NAT9: variants seen among roughly 807,000 people sequenced by gnomAD.
The protein encoded by NAT9 is N-acetyltransferase 9, also known as alpha/beta-tubulin-N-acetyltransferase 9.
A neutral mutation model predicts 24.0 loss-of-function variants in NAT9; 18 were observed. That is an observed-to-expected ratio of 0.75 (90% CI 0.52 to 1.11). The LOEUF (loss-of-function observed/expected upper bound fraction) is 1.11. Ranked by LOEUF, NAT9 falls within the 50% of genes most tolerant of loss-of-function variation. The pLI, the probability that NAT9 is intolerant of heterozygous loss-of-function variation, is 0.00. For synonymous variants in NAT9, 104 were observed against 102.3 expected (o/e 1.02, Z -0.10); for missense variants, 254 against 258.6 (o/e 0.98, Z 0.12).
rs1382151310 is a variant in NAT9 at position 74,771,588 on chromosome 17, G to A, written c.*136C>T. On this transcript the variant is annotated 3_prime_UTR_variant, in exon 7 of 7. Coordinates refer to ENST00000357814, the MANE Select transcript of NAT9 (RefSeq NM_015654.5). ...CTGGAGGGAGGCCACAGCAAGCCCC[G>A]CCAGAGTCTGAAGGGCCTCGAAAGG... 14 of 1,365,358 alleles carry A rather than the reference G, an allele frequency of 1.0e-5. No homozygotes were observed. Among genetic ancestry groups the A allele is most frequent in the African/African-American group, 1.4e-5 (1 of 69,344 alleles). The allele number at this position is 1,365,358 out of a possible 1,614,324, so 84.6% of individuals were successfully genotyped here.
intron 4 of NAT9, 24 bp from the exon 5 acceptor site, chr17:74,772,301 G>A (rs375245715): frequency 3.7e-5 from 60 of 1,612,616 alleles, no homozygotes; most frequent in Admixed American, 1.0e-4. Context: ...CAGGAGCGGC[G>A]CTGACGCCGT....
Position 74,771,440 on chromosome 17 carries a change from T to A in NAT9, c.*284A>T. 2.0e-6 allele frequency: 1 copy of A among 505,212 alleles called. No individual in the cohort carries two copies. The highest frequency in any genetic ancestry group is 3.4e-5 in the East Asian group (1 of 29,170). 31.3% of individuals were successfully genotyped at this position (505,212 alleles called of 1,614,324 possible). On this transcript the variant is annotated 3_prime_UTR_variant, in exon 7 of 7. Transcript: ENST00000357814. The stretch of plus-strand genomic sequence containing the variant: ...CCTGCACCTCCAGCTCCCACCTTCA[T>A]CCCGACATCTCCCATGGATCCCTGC...
chr17:74,775,728 C>CT, intron 1 of NAT9, 21 bp from the exon 2 acceptor site: 1 of 1,608,834 alleles, frequency 6.2e-7, no homozygotes, highest in Non-Finnish European at 8.5e-7. Flanking sequence ...ATGGGGAGAG[C>CT]AAAGACTTCA....
Position 74,771,262 on chromosome 17 carries a change from A to C in NAT9, c.*462T>G. ...AGGACCAAGCTGCCCTTGAGTGGAC[A>C]CTGTGAGGCTGGGGCTCGTGGTAGC... On this transcript the variant is annotated 3_prime_UTR_variant, in exon 7 of 7. Transcript: ENST00000357814. 5.3e-6 allele frequency: 1 copy of C among 188,664 alleles called. No homozygotes were observed. The highest frequency in any genetic ancestry group is 2.3e-5 in the African/African-American group (1 of 43,266). The allele number at this position is 188,664 out of a possible 1,614,324, so 11.7% of individuals were successfully genotyped here.
At chr17:74,775,771 G>A in intron 1 of NAT9, 64 bp from the exon 2 acceptor site, 2 of 1,397,322 alleles carry the variant, frequency 1.4e-6, no homozygotes, top group Non-Finnish European at 2.0e-6. Flanking sequence ...TTGGGTAGGC[G>A]CTCCAGCTTT....
rs1327419712 is a variant in NAT9, at chr17:74,771,657, C to G, written c.*67G>C. On this transcript the variant is annotated 3_prime_UTR_variant, in exon 7 of 7. Transcript: ENST00000357814. The stretch of plus-strand genomic sequence containing the variant: ...AGGAGCACTCTCCCAGTGCAGGGCT[C>G]TGGTCTTTGAAGTGTATGGGCCCAA... The G allele has an allele frequency of 6.3e-7, 1 of 1,597,828 alleles. No homozygotes were observed. Among genetic ancestry groups the G allele is most frequent in the Middle Eastern group, 1.7e-4 (1 of 5,914 alleles).
chr17:74,772,372 G>T (rs752370122), intron 4 of NAT9, 95 bp from the exon 5 acceptor site: 1 of 1,519,380 alleles, frequency 6.6e-7, no homozygotes. Context: ...CAACAACTCT[G>T]AAGTTGCTAC....
intron 3 of NAT9, 36 bp from the exon 4 acceptor site, chr17:74,773,075 C>T (rs2144195331): frequency 1.9e-6 from 3 of 1,608,190 alleles, no homozygotes; most frequent in Non-Finnish European, 2.5e-6. Context: ...ACACACACTC[C>T]CCAGAGGAGA....
intron 1 of NAT9, chr17:74,776,047 G>A (rs1267944193): frequency 1.5e-5 from 3 of 206,058 alleles, no homozygotes; most frequent in Non-Finnish European, 2.0e-5. Context: ...CCAGTCCAGG[G>A]ATTCCAACCC....
chr17:74,773,560 G>C lies in NAT9; in HGVS notation c.190+16C>G, dbSNP rs779170132. Reference sequence around the variant, plus strand: ...CCCAGTACCAGGGCTAGGGGAAGTGGGGGGGCACTCCTCACTGTCTGCATC... The same window carrying C: ...CCCAGTACCAGGGCTAGGGGAAGTGCGGGGGCACTCCTCACTGTCTGCATC... On this transcript the variant is annotated intron_variant, in intron 3 of 6. Transcript: ENST00000357814. 2 of 1,602,604 alleles carry C rather than the reference G, an allele frequency of 1.2e-6. No homozygotes were observed. Among genetic ancestry groups the C allele is most frequent in the South Asian group, 2.2e-5 (2 of 90,864 alleles).
At position 74,775,723 on chromosome 17, in the gene NAT9, G is replaced by A. The variant is rs559775029; in HGVS notation, c.-9-16C>T. The A allele has an allele frequency of 1.9e-6, 3 of 1,611,370 alleles. No individual in the cohort carries two copies. Among genetic ancestry groups the A allele is most frequent in the South Asian group, 2.2e-5 (2 of 90,978 alleles). ...TGGTAGCAGCCTGCATGCAGATGGG[G>A]AGAGCAAAGACTTCAGGACCCTGAA... On this transcript the variant is annotated splice_polypyrimidine_tract_variant and intron_variant, in intron 1 of 6. Transcript: ENST00000357814.
chr17:74,771,396 C>A lies in NAT9; in HGVS notation c.*328G>T. 1 of 413,800 alleles carries A rather than the reference C, an allele frequency of 2.4e-6. No individual in the cohort carries two copies. Among genetic ancestry groups the A allele is most frequent in the Non-Finnish European group, 4.5e-6 (1 of 221,390 alleles). 25.6% of individuals were successfully genotyped at this position (413,800 alleles called of 1,614,324 possible). A position where few individuals can be genotyped will look rare whatever the true frequency, so the allele number is the denominator to read the frequency against. On this transcript the variant is annotated 3_prime_UTR_variant, in exon 7 of 7. Coordinates refer to ENST00000357814, the MANE Select transcript of NAT9 (RefSeq NM_015654.5). ...CTAAGGAGAAAGGCCTGTCCACTCC[C>A]ATCCATGTTCCAGGTCCCCCTGCAC...
In NAT9 at chr17:74,772,054, C is replaced by T; in HGVS notation, c.395G>A (p.Gly132Glu). Residue 132 changes from glycine (G) to glutamate (E), a missense_variant and splice_region_variant, in exon 6 of 7, where the codon GGA (glycine) becomes GAA (glutamate). Coordinates refer to ENST00000357814, the MANE Select transcript of NAT9 (RefSeq NM_015654.5). ...CTTGGTCAGACCTAGCGTGGTCACT[C>T]CTCGCAGAGGAGATGAGACAGGGGC... is the stretch of plus-strand genomic sequence containing the variant. ...TEAVLAMLSY[G>E]VTTLGLTKFE... The T allele has an allele frequency of 1.2e-6, 2 of 1,614,220 alleles. No individual in the cohort carries two copies. The highest frequency in any genetic ancestry group is 1.7e-6 in the Non-Finnish European group (2 of 1,180,048).
chr17:74,774,050 G>A (rs535204642), intron 2 of NAT9: 8 of 216,512 alleles, frequency 3.7e-5, no homozygotes, highest in Admixed American at 1.5e-4. Context: ...ACCCTCAAAC[G>A]GAAAACTACA....
rs1351559551 is a variant in NAT9, at chr17:74,776,290, C to T, written c.-33G>A. On this transcript the variant is annotated 5_prime_UTR_variant, in exon 1 of 7. Transcript: ENST00000357814. ...ACCTACCACCGACGAAATCGTCCCC[C>T]GCAGAAAGGGTGATCTACCTCCTCC... 6.5e-6 allele frequency: 1 copy of T among 152,674 alleles called. No individual in the cohort carries two copies. 9.5% of individuals were successfully genotyped at this position (152,674 alleles called of 1,614,324 possible). A position where few individuals can be genotyped will look rare whatever the true frequency, so the allele number is the denominator to read the frequency against.
intron 4 of NAT9, chr17:74,772,639 G>A: frequency 6.2e-6 from 8 of 1,282,276 alleles, no homozygotes; most frequent in Non-Finnish European, 8.2e-6. Context: ...CCCCAACTAT[G>A]GGACTAACCA....
intron 3 of NAT9, chr17:74,773,274 A>T: frequency 1.7e-6 from 1 of 600,188 alleles, no homozygotes; most frequent in South Asian, 2.0e-5. Flanking sequence ...AGAGGAGGGC[A>T]GTCACCACAC....
chr17:74,774,699 G>T (rs552618877), intron 2 of NAT9, among the ~76,000 whole-genome samples: 2 of 151,650 alleles, frequency 1.3e-5, no homozygotes, highest in South Asian at 4.2e-4. Context: ...ACAGGCGCCC[G>T]CCACCACATC....
In NAT9 at chr17:74,771,875, G is replaced by C. The variant is rs765388312; in HGVS notation, c.490-17C>G. ...CGTAGCCACCTACGTGAGCCAGAGA[G>C]AACAAAGCCTGCTAAGTTACAGTAT... On this transcript the variant is annotated splice_polypyrimidine_tract_variant and intron_variant, in intron 6 of 6. Transcript: ENST00000357814. The C allele has an allele frequency of 3.7e-6, 6 of 1,614,126 alleles. No homozygotes were observed. The Admixed American group carries it at 8.3e-5, about 22-fold the overall frequency.
Sources: gnomAD v4.1 joint callset for allele counts (sites outside exome capture counted in the v4.1 genomes callset) on GRCh38, gnomAD v4.1.1 for gene constraint, MANE v1.5 for transcripts, NCBI Gene and HGNC (gene_info 2026-07-23, HGNC 2026-07-21) for gene names.